The following PRDM1 variants were observed in gnomAD, a reference collection of about 807,000 sequenced individuals.
PRDM1 encodes PR/SET domain 1, also known as PR domain zinc finger protein 1.
In PRDM1, 13 loss-of-function variants were observed where a neutral mutation model predicts 62.8. That is an observed-to-expected ratio of 0.21 (90% CI 0.13 to 0.33). PRDM1 has a LOEUF of 0.33. Ranked by LOEUF, PRDM1 falls within the 10% of genes least tolerant of loss-of-function variation. The pLI, the probability that PRDM1 is intolerant of heterozygous loss-of-function variation, is 1.00. For missense variants in PRDM1, 895 were observed against 1,058.8 expected, an observed-to-expected ratio of 0.85 and a Z score of 2.15; for synonymous variants, 396 against 417.6, an observed-to-expected ratio of 0.95 and a Z score of 0.63.
At chr6:106,070,680 C>T (rs1773495799) in intron 1 of PRDM1, among the ~76,000 whole-genome samples, 1 of 152,130 alleles carries the variant, frequency 6.6e-6, no homozygotes, top group African/African-American at 2.4e-5. Flanking sequence ...AATATTTAGA[C>T]ATTTAAATTT....
intron 1 of PRDM1, among the ~76,000 whole-genome samples, chr6:106,016,467 G>T (rs1344548559): frequency 2.0e-5 from 3 of 151,918 alleles, no homozygotes; most frequent in Admixed American, 2.0e-4. Context: ...CTGGGTACCC[G>T]CAGATTAACA....
chr6:106,082,081 A>G (rs539358113), upstream of PRDM1, among the ~76,000 whole-genome samples: 10 of 152,148 alleles, frequency 6.6e-5, no homozygotes, highest in East Asian at 7.7e-4. Flanking sequence ...TGTGGAAGCT[A>G]CTCTTCCGGT....
intron 1 of PRDM1, among the ~76,000 whole-genome samples, chr6:106,075,241 A>T (rs1444742889): frequency 1.3e-5 from 2 of 152,216 alleles, no homozygotes; most frequent in Non-Finnish European, 2.9e-5. Context: ...ATTTAAAGTA[A>T]GGACAGTCTA....
chr6:106,056,453 A>G (rs947871084), intron 1 of PRDM1, among the ~76,000 whole-genome samples: 2 of 152,228 alleles, frequency 1.3e-5, no homozygotes, highest in African/African-American at 2.4e-5. Context: ...TTCAGACAGC[A>G]TATCTGATCT....
chr6:106,095,808 C>T (rs1364469284), intron 3 of PRDM1, 74 bp downstream of exon 3: 7 of 1,510,626 alleles, frequency 4.6e-6, no homozygotes, highest in Non-Finnish European at 5.4e-6. Flanking sequence ...GGTGGCTCAC[C>T]TTTCTCATCC....
rs1772317603 is a variant in PRDM1 at position 105,994,143 on chromosome 6, C to A, written c.-67+504C>A. Among the ~76,000 whole-genome samples, 1 of 151,264 alleles carries A rather than the reference C, an allele frequency of 6.6e-6. No individual in the cohort carries two copies. ...GACGGTGGAGAGGGAGGCGAAGAGC[C>A]CGCGCTGCTGGGCTGGGCTCGGGTG... On this transcript the variant is annotated intron_variant, in intron 1 of 6. Transcript: ENST00000652320. The surrounding 1 kb of genome is among the most constrained non-coding windows in gnomAD (Gnocchi z 4.1).
At chr6:106,010,043 A>G (rs1469681236) in intron 1 of PRDM1, among the ~76,000 whole-genome samples, 4 of 152,096 alleles carry the variant, frequency 2.6e-5, no homozygotes, top group Non-Finnish European at 5.9e-5. Context: ...AGTTACCCCT[A>G]TGGCAGGTCA....
At chr6:106,086,087 C>G (rs1332101670), upstream of PRDM1, among the ~76,000 whole-genome samples, 1 of 152,164 alleles carries the variant, frequency 6.6e-6, no homozygotes, top group Admixed American at 6.5e-5. Context: ...GGAGGGCGAT[C>G]TGGAGTGTTT....
intron 2 of PRDM1, 94 bp from the exon 3 acceptor site, chr6:106,095,521 G>GT: frequency 1.4e-6 from 2 of 1,388,026 alleles, no homozygotes; most frequent in East Asian, 4.7e-5. Context: ...ATTGTTAGTT[G>GT]TATTACTACT....
intron 3 of PRDM1, chr6:106,096,215 C>A (rs2114632056): frequency 6.3e-6 from 1 of 157,584 alleles, no homozygotes; most frequent in African/African-American, 2.4e-5. Context: ...ATGGCATGAT[C>A]TCGGCTCACT....
intron 1 of PRDM1, among the ~76,000 whole-genome samples, chr6:106,021,294 C>T (rs1772693765): frequency 6.6e-6 from 1 of 152,194 alleles, no homozygotes. Context: ...TCCTTCCCTA[C>T]TCTTATTCCA....
intron 1 of PRDM1, among the ~76,000 whole-genome samples, chr6:106,004,754 A>G (rs945248577): frequency 6.6e-5 from 10 of 152,216 alleles, no homozygotes; most frequent in Non-Finnish European, 1.0e-4. Context: ...TAGAGTCATC[A>G]AAAGTTATGC....
chr6:106,037,591 A>G (rs7758500), intron 1 of PRDM1, among the ~76,000 whole-genome samples: 136,538 of 152,160 alleles, frequency 0.9, 61,318 homozygotes, highest in South Asian at 0.94. Flanking sequence ...TCTTTGTCCT[A>G]TTTTCAAGTT....
chr6:106,010,011 C>A (rs908364391), intron 1 of PRDM1, among the ~76,000 whole-genome samples: 2 of 152,154 alleles, frequency 1.3e-5, no homozygotes, highest in African/African-American at 2.4e-5. Flanking sequence ...AGCCACCATG[C>A]CTGGCCCTTC....
chr6:106,087,329 G>A (rs371718776), intron 1 of PRDM1, among the ~76,000 whole-genome samples: 15 of 152,152 alleles, frequency 9.9e-5, no homozygotes, highest in African/African-American at 3.6e-4. Context: ...AGTGACTTCT[G>A]GGAATTCATA....
intron 1 of PRDM1, among the ~76,000 whole-genome samples, chr6:106,023,748 C>A (rs1772729639): frequency 6.6e-6 from 1 of 152,192 alleles, no homozygotes; most frequent in Non-Finnish European, 1.5e-5. Context: ...ACTGCTTGTG[C>A]TGCTGGAATC....
At position 106,094,734 on chromosome 6, in the gene PRDM1, C is replaced by T. The variant is rs552541024; in HGVS notation, c.292-881C>T. On this transcript the variant is annotated intron_variant, in intron 2 of 6. Coordinates refer to ENST00000369096, the MANE Select transcript of PRDM1 (RefSeq NM_001198.4). ...GCTGGGCAACATGGTGAGACCCCTTCTCAACAATAACAACAAAAATTAGCT... is the reference window on the plus strand; with the variant it reads ...GCTGGGCAACATGGTGAGACCCCTTTTCAACAATAACAACAAAAATTAGCT... Among the ~76,000 whole-genome samples the T allele has an allele frequency of 2.6e-5, 4 of 152,102 alleles. No individual in the cohort carries two copies. The South Asian group carries it at 8.3e-4, about 32-fold the overall frequency.
intron 2 of PRDM1, among the ~76,000 whole-genome samples, chr6:106,093,454 A>G (rs1774014423): frequency 6.6e-6 from 1 of 152,256 alleles, no homozygotes; most frequent in African/African-American, 2.4e-5. Context: ...TAAAGTAGAT[A>G]TGTTGAAAAT....
intron 1 of PRDM1, among the ~76,000 whole-genome samples, chr6:106,034,542 A>G (rs1772895298): frequency 6.8e-6 from 1 of 147,008 alleles, no homozygotes; most frequent in South Asian, 2.2e-4. Context: ...AAATTTGTTC[A>G]TTTTCTGGTT....
Sources: allele counts gnomAD v4.1 joint callset (sites outside exome capture counted in the v4.1 genomes callset), GRCh38; gene constraint gnomAD v4.1.1; non-coding constraint Gnocchi (gnomAD v3.1); transcripts MANE v1.5; gene names NCBI Gene and HGNC (gene_info 2026-07-23, HGNC 2026-07-21).